GHR: variants seen among roughly 807,000 people sequenced by gnomAD.
GHR encodes GH receptor.
In GHR, 35 loss-of-function variants were observed where a neutral mutation model predicts 67.1. The ratio of observed to expected loss-of-function variants is 0.52; its 90% CI spans 0.40 to 0.69. GHR has a LOEUF of 0.69. Among genes scored for constraint, GHR ranks in the 30% least tolerant of loss-of-function variants. GHR has a pLI of 0.00. For missense variants in GHR, 792 were observed against 764.6 expected (o/e 1.04, Z -0.42); for synonymous variants, 272 against 269.1 (o/e 1.01, Z -0.10).
intron 1 of GHR, among the ~76,000 whole-genome samples, chr5:42,438,137 A>T (rs1743413675): frequency 6.6e-6 from 1 of 152,216 alleles, no homozygotes; most frequent in Admixed American, 6.5e-5. Flanking sequence ...AACATTAATG[A>T]AGTGCTTACT....
intron 1 of GHR, among the ~76,000 whole-genome samples, chr5:42,563,705 GGCTCAA>G (rs1242290205): frequency 6.6e-6 from 1 of 151,280 alleles, no homozygotes; most frequent in Non-Finnish European, 1.5e-5. Context: ...CTACTTGGAA[GGCTCAA>G]GCAGGAGAAT....
chr5:42,596,926 A>G (rs1027718407), intron 2 of GHR, among the ~76,000 whole-genome samples: 7 of 152,172 alleles, frequency 4.6e-5, no homozygotes, highest in African/African-American at 1.7e-4. Flanking sequence ...AACCTGTTCT[A>G]CTTCAACCTG....
Position 42,465,517 on chromosome 5 carries a change from A to G in GHR, c.-12+41562A>G, listed in dbSNP as rs1015131244. The G allele has an allele frequency of 4.3e-5, 67 of 1,543,624 alleles. No homozygotes were observed. In the African/African-American group the frequency reaches 9.0e-4, roughly 21 times the overall value. ...CCTTATTTTCAGTGTCTGCCACTGG[A>G]TGATGTTCTTCACCTTCAGGTGTTT... On this transcript the variant is annotated intron_variant, in intron 1 of 9. Transcript: ENST00000230882.
intron 3 of GHR, among the ~76,000 whole-genome samples, chr5:42,679,268 A>G (rs1756736535): frequency 6.7e-6 from 1 of 149,466 alleles, no homozygotes; most frequent in Admixed American, 6.7e-5. Flanking sequence ...TTACATATAC[A>G]TATAAATAAT....
chr5:42,464,151 C>G (rs918458668), intron 1 of GHR, among the ~76,000 whole-genome samples: 1 of 149,884 alleles, frequency 6.7e-6, no homozygotes, highest in African/African-American at 2.5e-5. Flanking sequence ...AGTTTGCTTT[C>G]ATTATCTACT....
chr5:42,590,436 CT>C (rs1751714019), intron 2 of GHR, among the ~76,000 whole-genome samples: 1 of 152,044 alleles, frequency 6.6e-6, no homozygotes, highest in African/African-American at 2.4e-5. Context: ...TATTTTCTTC[CT>C]TCCATTGCTT....
rs890354276 is a variant in GHR, at chr5:42,666,480, T to C, written c.137-22410T>C. 3.9e-5 allele frequency among the ~76,000 whole-genome samples: 6 copies of C among 152,196 alleles called. No individual in the cohort carries two copies. In the East Asian group the frequency reaches 1.2e-3, roughly 29 times the overall value. Reference sequence around the variant, plus strand: ...GAAATTTTCAGCAATTAAAGTGAAATATAGCCCTATCAAAACTATTAATGT... The same window carrying C: ...GAAATTTTCAGCAATTAAAGTGAAACATAGCCCTATCAAAACTATTAATGT... On this transcript the variant is annotated intron_variant, in intron 3 of 9. Transcript: ENST00000230882.
At chr5:42,475,127 C>T (rs1382313096) in intron 1 of GHR, among the ~76,000 whole-genome samples, 1 of 152,108 alleles carries the variant, frequency 6.6e-6, no homozygotes, top group African/African-American at 2.4e-5. Flanking sequence ...CAAGGCCCAC[C>T]TTAGCCTCCC....
At chr5:42,553,337 T>G (rs892878493) in intron 1 of GHR, among the ~76,000 whole-genome samples, 4 of 152,170 alleles carry the variant, frequency 2.6e-5, no homozygotes, top group African/African-American at 9.6e-5. Context: ...TGTTGGACCA[T>G]GTTCCCCATT....
chr5:42,719,509 AC>A lies in GHR; in HGVS notation c.*87del. On this transcript the variant is annotated 3_prime_UTR_variant, in exon 10 of 10. Transcript: ENST00000230882. Reference sequence around the variant, plus strand: ...ACGTTTAAGCCAAAACAATGTTTAAACCTTTTTTGGGGGAGTGACAGGATGG... The same window carrying A: ...ACGTTTAAGCCAAAACAATGTTTAAACTTTTTTGGGGGAGTGACAGGATGG... 5 of 1,358,250 alleles carry A rather than the reference AC, an allele frequency of 3.7e-6. No homozygotes were observed. Among genetic ancestry groups the A allele is most frequent in the Admixed American group, 1.7e-5 (1 of 59,752 alleles). 84.1% of individuals were successfully genotyped at this position (1,358,250 alleles called of 1,614,324 possible).
At chr5:42,593,280 A>G (rs1347314066) in intron 2 of GHR, among the ~76,000 whole-genome samples, 2 of 152,220 alleles carry the variant, frequency 1.3e-5, no homozygotes, top group Non-Finnish European at 2.9e-5. Context: ...GCAATTAATA[A>G]ATGCTTGTTT....
chr5:42,615,786 A>T (rs974849879), intron 2 of GHR, among the ~76,000 whole-genome samples: 1 of 152,090 alleles, frequency 6.6e-6, no homozygotes, highest in Non-Finnish European at 1.5e-5. Context: ...ATCAAAGAAA[A>T]TTATGTGACT....
intron 3 of GHR, among the ~76,000 whole-genome samples, chr5:42,667,225 C>CCCTGGGAG (rs1389263987): frequency 6.6e-6 from 1 of 152,192 alleles, no homozygotes. Context: ...CCAGGAAGAT[C>CCCTGGGAG]ACCCACAAGA....
At chr5:42,458,861 G>A (rs1216036805) in intron 1 of GHR, among the ~76,000 whole-genome samples, 2 of 152,140 alleles carry the variant, frequency 1.3e-5, no homozygotes, top group African/African-American at 4.8e-5. Context: ...AGACATACAT[G>A]TGGCCAACAA....
At chr5:42,647,792 C>A in intron 3 of GHR, 1 of 395,784 alleles carries the variant, frequency 2.5e-6, no homozygotes. Flanking sequence ...GCAAAAGGAT[C>A]TTACGTATGT....
intron 6 of GHR, among the ~76,000 whole-genome samples, chr5:42,701,366 A>G (rs1190376231): frequency 6.6e-6 from 1 of 152,220 alleles, no homozygotes; most frequent in African/African-American, 2.4e-5. Context: ...ACCTTTGAGT[A>G]CATAGCTTAT....
intron 1 of GHR, among the ~76,000 whole-genome samples, chr5:42,520,928 A>C (rs554400339): frequency 1.5e-3 from 225 of 152,220 alleles, no homozygotes; most frequent in South Asian, 2.3e-3. Context: ...GCTCTCTATC[A>C]CATCACCTAT....
rs1158830359 is a variant in GHR, at chr5:42,424,171, A to AGTGTGTGTGTGTGTGTGTGT, written c.-12+245_-12+264dup. 1.1e-3 allele frequency among the ~76,000 whole-genome samples: 113 copies of AGTGTGTGTGTGTGTGTGTGT among 100,578 alleles called. 2 individuals are homozygous for AGTGTGTGTGTGTGTGTGTGT. Among genetic ancestry groups the AGTGTGTGTGTGTGTGTGTGT allele is most frequent in the Non-Finnish European group, 1.6e-3 (79 of 50,394 alleles). The allele number at this position is 100,578 out of a possible 152,430, so 66.0% of individuals were successfully genotyped here. On this transcript the variant is annotated intron_variant, in intron 1 of 9. Transcript: ENST00000230882. This position sits in a 1 kb window ranked among gnomAD's most constrained non-coding sequence, Gnocchi z 4.1. ...CTGGTGGGTTGTTGTAACCCAATCT[A>AGTGTGTGTGTGTGTGTGTGT]GTGTGTGTGTGTGTGTGTGTGTGTG...
intron 2 of GHR, among the ~76,000 whole-genome samples, chr5:42,579,864 G>T (rs76407787): frequency 2.0e-5 from 3 of 151,172 alleles, no homozygotes; most frequent in South Asian, 2.1e-4. Flanking sequence ...AACATTCCAC[G>T]TACTGAACTG....
Sources: allele counts gnomAD v4.1 joint callset (sites outside exome capture counted in the v4.1 genomes callset), GRCh38; gene constraint gnomAD v4.1.1; non-coding constraint Gnocchi (gnomAD v3.1); transcripts MANE v1.5; gene names NCBI Gene and HGNC (gene_info 2026-07-23, HGNC 2026-07-21).